The following PCDH15 variants were observed in gnomAD, a reference collection of about 807,000 sequenced individuals.
PCDH15 encodes the protein protocadherin-15.
A neutral mutation model predicts 178.5 loss-of-function variants in PCDH15; 129 were observed. That is an observed-to-expected ratio of 0.72 (90% CI 0.63 to 0.84). The LOEUF is 0.84. PCDH15 is among the 40% of genes least tolerant of loss of function. PCDH15 has a pLI of 0.00. For synonymous variants in PCDH15, 800 were observed against 732.0 expected, an observed-to-expected ratio of 1.09 and a Z score of -1.50; for missense variants, 2,230 against 2,099.9, an observed-to-expected ratio of 1.06 and a Z score of -1.21.
chr10:55,278,668 A>G (rs892952655), intron 1 of PCDH15, among the ~76,000 whole-genome samples: 5 of 152,254 alleles, frequency 3.3e-5, no homozygotes, highest in Non-Finnish European at 7.3e-5. Flanking sequence ...AGAATCAGTA[A>G]GAATTTATAA....
chr10:55,374,814 G>A (rs1458986487), intron 2 of PCDH15, among the ~76,000 whole-genome samples: 4 of 151,736 alleles, frequency 2.6e-5, no homozygotes, highest in Middle Eastern at 3.4e-3. Context: ...GCCATTACAC[G>A]GTACCTCACT....
intron 13 of PCDH15, among the ~76,000 whole-genome samples, chr10:54,160,576 GC>G (rs1249180184): frequency 6.6e-6 from 1 of 151,974 alleles, no homozygotes; most frequent in Non-Finnish European, 1.5e-5. Flanking sequence ...AAAATTAAAA[GC>G]TTTTTCTCTA....
rs188873697 is a variant in PCDH15 at position 55,463,683 on chromosome 10, G to A, written c.-156+163942C>T. Among the ~76,000 whole-genome samples the A allele has an allele frequency of 1.6e-3, 238 of 151,874 alleles. 1 individual carries two copies. The highest frequency in any genetic ancestry group is 5.0e-3 in the African/African-American group (207 of 41,400). On this transcript the variant is annotated intron_variant, in intron 2 of 5. Transcript: ENST00000613346. ...AGAAAGCCATGCTACTAAATGTATTGTACTTACTTAGTCTTAACTTCAGCA... is the reference window on the plus strand; with the variant it reads ...AGAAAGCCATGCTACTAAATGTATTATACTTACTTAGTCTTAACTTCAGCA...
intron 36 of PCDH15, among the ~76,000 whole-genome samples, 195 bp from the exon 37 acceptor site, chr10:53,810,859 T>C (rs949332619): frequency 3.9e-5 from 6 of 152,126 alleles, no homozygotes; most frequent in African/African-American, 2.4e-5. Context: ...ATTTTTGCCA[T>C]AATGGTACCC....
intron 8 of PCDH15, among the ~76,000 whole-genome samples, chr10:54,265,175 C>T (rs892340637): frequency 2.6e-5 from 4 of 151,996 alleles, no homozygotes; most frequent in African/African-American, 9.7e-5. Context: ...GCTTCATAAA[C>T]GAAAGAGAAA....
At chr10:54,452,368 G>A (rs1479834721) in intron 3 of PCDH15, 1 of 151,826 alleles carries the variant, frequency 6.6e-6, no homozygotes, top group Non-Finnish European at 1.5e-5. Context: ...CTTAGACACT[G>A]GCTTTCTCTG....
chr10:54,194,610 ATGTG>A (rs33956261), intron 11 of PCDH15, among the ~76,000 whole-genome samples: 5 of 150,714 alleles, frequency 3.3e-5, no homozygotes, highest in Non-Finnish European at 5.9e-5. Context: ...TTTTATATAT[ATGTG>A]TGTGTGTGTG....
intron 2 of PCDH15, among the ~76,000 whole-genome samples, chr10:55,147,061 T>C: frequency 6.6e-6 from 1 of 151,742 alleles, no homozygotes; most frequent in Admixed American, 6.6e-5. Context: ...GCAATTTATT[T>C]ATTAGCAGTT....
chr10:55,175,626 A>G (rs886556973), intron 1 of PCDH15, among the ~76,000 whole-genome samples: 3 of 145,714 alleles, frequency 2.1e-5, no homozygotes, highest in African/African-American at 7.6e-5. Flanking sequence ...AGATTGCGCC[A>G]CTGCACTCCA....
chr10:54,655,306 G>GAC (rs2094373030), intron 2 of PCDH15, among the ~76,000 whole-genome samples: 1 of 121,692 alleles, frequency 8.2e-6, no homozygotes, highest in African/African-American at 3.5e-5. Context: ...GAGAGAGACA[G>GAC]AGAGAGAGAC....
intron 2 of PCDH15, among the ~76,000 whole-genome samples, chr10:55,092,016 C>T (rs570768966): frequency 5.3e-5 from 8 of 151,904 alleles, no homozygotes; most frequent in African/African-American, 1.9e-4. Flanking sequence ...GGCATTCTCC[C>T]TCATTCCATT....
intron 2 of PCDH15, among the ~76,000 whole-genome samples, chr10:55,090,767 C>T (rs555870949): frequency 6.6e-6 from 1 of 152,126 alleles, no homozygotes; most frequent in East Asian, 1.9e-4. Flanking sequence ...CACGTTATTT[C>T]TATATACTGC....
chr10:54,773,001 A>C (rs2133288123), intron 1 of PCDH15, among the ~76,000 whole-genome samples: 1 of 152,206 alleles, frequency 6.6e-6, no homozygotes, highest in Non-Finnish European at 1.5e-5. Flanking sequence ...ATCCTCAGCA[A>C]ACTATCATAG....
upstream of PCDH15, among the ~76,000 whole-genome samples, chr10:54,804,081 C>T (rs1952734444): frequency 6.6e-6 from 1 of 152,008 alleles, no homozygotes. Context: ...GCTCTTTCGC[C>T]CAGGCGGGAG....
intron 1 of PCDH15, among the ~76,000 whole-genome samples, chr10:55,276,491 T>C (rs1033465517): frequency 1.2e-4 from 18 of 151,342 alleles, no homozygotes; most frequent in Non-Finnish European, 2.4e-4. Flanking sequence ...TATTTTATTC[T>C]CCCTTTTTTA....
upstream of PCDH15, among the ~76,000 whole-genome samples, chr10:55,322,967 G>A (rs1843941727): frequency 6.6e-6 from 1 of 152,094 alleles, no homozygotes; most frequent in Admixed American, 6.5e-5. Context: ...TTATGGACTG[G>A]GCCCAGGGAC....
intron 17 of PCDH15, among the ~76,000 whole-genome samples, chr10:54,068,701 C>G (rs2094183157): frequency 6.6e-6 from 1 of 152,106 alleles, no homozygotes. Flanking sequence ...AGAAGAAGAT[C>G]GAATAGCGAC....
intron 2 of PCDH15, among the ~76,000 whole-genome samples, chr10:55,513,457 A>G (rs2132154502): frequency 6.6e-6 from 1 of 152,202 alleles, no homozygotes; most frequent in African/African-American, 2.4e-5. Flanking sequence ...ATATTACATC[A>G]TATTAAAGAT....
At chr10:54,939,654 T>C (rs1838009355) in intron 2 of PCDH15, among the ~76,000 whole-genome samples, 1 of 152,184 alleles carries the variant, frequency 6.6e-6, no homozygotes, top group Admixed American at 6.5e-5. Context: ...GTTCTTCCTT[T>C]TTTAATCAGC....
Sources: allele counts gnomAD v4.1 joint callset (sites outside exome capture counted in the v4.1 genomes callset), GRCh38; gene constraint gnomAD v4.1.1; transcripts MANE v1.5; gene names NCBI Gene and HGNC (gene_info 2026-07-23, HGNC 2026-07-21).